Variants in KIRREL1 observed in about 807,000 individuals in gnomAD.
The protein encoded by KIRREL1 is kin of IRRE-like protein 1.
A neutral mutation model predicts 83.3 loss-of-function variants in KIRREL1; 25 were observed. The observed-to-expected ratio is 0.30, with a 90% CI of 0.22 to 0.42. KIRREL1 has a LOEUF of 0.42. Among genes scored for constraint, KIRREL1 ranks in the 10% least tolerant of loss-of-function variants. The pLI is 1.00. For synonymous variants in KIRREL1, 388 were observed against 410.4 expected (o/e 0.95, Z 0.66); for missense variants, 812 against 1,032.3 (o/e 0.79, Z 2.92).
At chr1:158,016,443 C>A (rs1659828261) in intron 1 of KIRREL1, among the ~76,000 whole-genome samples, 1 of 152,072 alleles carries the variant, frequency 6.6e-6, no homozygotes, top group South Asian at 2.1e-4. Context: ...CAAAGGCCAG[C>A]AGTTAAAGGC....
chr1:158,024,242 C>T (rs1031614155), intron 1 of KIRREL1, among the ~76,000 whole-genome samples: 2 of 150,406 alleles, frequency 1.3e-5, no homozygotes, highest in Non-Finnish European at 2.9e-5. Flanking sequence ...AGCCACTGCG[C>T]CCGGCCTGGT....
At chr1:158,067,237 G>A (rs867424778) in intron 1 of KIRREL1, among the ~76,000 whole-genome samples, 13 of 152,298 alleles carry the variant, frequency 8.5e-5, no homozygotes, top group East Asian at 5.8e-4. Flanking sequence ...GCACCACCAT[G>A]AGCCCTAATG....
chr1:158,069,996 C>T (rs779629946), intron 1 of KIRREL1, among the ~76,000 whole-genome samples: 4 of 152,284 alleles, frequency 2.6e-5, no homozygotes, highest in Non-Finnish European at 4.4e-5. Flanking sequence ...TGTTGACAGT[C>T]GTTCCAGCCT....
Position 158,094,705 on chromosome 1 carries a change from T to C in KIRREL1, c.1859T>C (p.Val620Ala). The change falls in exon 15 of 15, where the codon GTG (valine) becomes GCG (alanine). Residue 620 changes from valine (V) to alanine (A), a missense_variant. Physicochemically the swap from Val to Ala is moderately conservative, Grantham distance 64. Coordinates refer to ENST00000359209, the MANE Select transcript of KIRREL1 (RefSeq NM_018240.7). The surrounding 1 kb of genome is among the most constrained non-coding windows in gnomAD (Gnocchi z 4.6). ...GAAGACCGCCCGTCTTCCAGGGCAG[T>C]GCTCTATGCTGACTACCGTGCCCCT... Reference protein sequence around the residue: ...AHEDRPSSRAVLYADYRAPGP... With the variant: ...AHEDRPSSRAALYADYRAPGP... The C allele has an allele frequency of 6.2e-7, 1 of 1,612,350 alleles. No individual in the cohort carries two copies.
At chr1:158,029,372 T>TGTGTGTGTGTGC (rs1190966368) in intron 1 of KIRREL1, among the ~76,000 whole-genome samples, 51 of 149,496 alleles carry the variant, frequency 3.4e-4, no homozygotes, top group Middle Eastern at 3.4e-3. Context: ...TGTGTGCACG[T>TGTGTGTGTGTGC]GCGCGCGCAT....
intron 3 of KIRREL1, among the ~76,000 whole-genome samples, chr1:158,082,980 C>A (rs1661907609): frequency 6.6e-6 from 1 of 152,112 alleles, no homozygotes. Flanking sequence ...TCATCAGTAT[C>A]CATTCATTAA....
At chr1:158,000,063 T>TGGG (rs113375592) in intron 1 of KIRREL1, among the ~76,000 whole-genome samples, 8 of 147,794 alleles carry the variant, frequency 5.4e-5, no homozygotes, top group African/African-American at 2.0e-4. Flanking sequence ...GCAGGAAAGA[T>TGGG]GGGGTGGGGG....
In KIRREL1 at chr1:157,993,746, AC is replaced by A; in HGVS notation, c.52+23del. 7 of 1,467,806 alleles carry A rather than the reference AC, an allele frequency of 4.8e-6. No individual in the cohort carries two copies. The highest frequency in any genetic ancestry group is 4.9e-5 in the Admixed American group (2 of 40,966). The allele number at this position is 1,467,806 out of a possible 1,614,324, so 90.9% of individuals were successfully genotyped here. ...CTCCCAAGGTAAGGGCCCCCAGCCC[AC>A]CCCCGGACGCTCGGCTTCCCCCCGG... On this transcript the variant is annotated intron_variant, in intron 1 of 14. Transcript: ENST00000359209.
chr1:158,094,918 A>ACTC lies in KIRREL1; in HGVS notation c.2074_2076dup (p.Ser692dup). On this transcript the variant is annotated inframe_insertion, in exon 15 of 15. Transcript: ENST00000359209. This position sits in a 1 kb window ranked among gnomAD's most constrained non-coding sequence, Gnocchi z 4.6. ...TCCTACGAGAACTATGAGAAGTTCA[A>ACTC]CTCCCATCCCTTCCCTGGGGCAGCT... 1 of 1,613,260 alleles carries ACTC rather than the reference A, an allele frequency of 6.2e-7. No homozygotes were observed. The highest frequency in any genetic ancestry group is 1.1e-5 in the South Asian group (1 of 91,022).
At chr1:158,000,803 G>A (rs1002196937) in intron 1 of KIRREL1, among the ~76,000 whole-genome samples, 3 of 152,124 alleles carry the variant, frequency 2.0e-5, no homozygotes, top group Non-Finnish European at 4.4e-5. Context: ...GCATCGTATT[G>A]AAATAAATGA....
chr1:158,050,346 T>C (rs1411269859), intron 1 of KIRREL1, among the ~76,000 whole-genome samples: 1 of 152,022 alleles, frequency 6.6e-6, no homozygotes, highest in Non-Finnish European at 1.5e-5. Flanking sequence ...ATGAAATACC[T>C]GAGGCCCAGA....
In KIRREL1 at chr1:158,099,743, G is replaced by T. The variant is rs1049024717; in HGVS notation, c.*4623G>T. 4 of 152,182 alleles carry T rather than the reference G, an allele frequency of 2.6e-5. No individual in the cohort carries two copies. Among genetic ancestry groups the T allele is most frequent in the African/African-American group, 9.7e-5 (4 of 41,416 alleles). The allele number at this position is 152,182 out of a possible 1,614,324, so 9.4% of individuals were successfully genotyped here. ...TTTGCTGGCCCCAACCACTGGCCTT[G>T]TTGAGTATCGATGGGCCCTGAGCTC... On this transcript the variant is annotated 3_prime_UTR_variant, in exon 15 of 15. Transcript: ENST00000359209.
chr1:158,020,815 T>TTCA, intron 1 of KIRREL1, among the ~76,000 whole-genome samples: 1 of 152,310 alleles, frequency 6.6e-6, no homozygotes, highest in Middle Eastern at 3.4e-3. Context: ...CTGCTAAAAA[T>TTCA]TCATTATCAT....
At chr1:158,029,844 ATAAG>A (rs1401478958) in intron 1 of KIRREL1, among the ~76,000 whole-genome samples, 2 of 152,256 alleles carry the variant, frequency 1.3e-5, no homozygotes, top group African/African-American at 2.4e-5. Flanking sequence ...GTGAGATAGT[ATAAG>A]TAAAGCACTC....
chr1:158,094,638 C>T lies in KIRREL1; in HGVS notation c.1798-6C>T, dbSNP rs1433124403. 4 of 1,582,732 alleles carry T rather than the reference C, an allele frequency of 2.5e-6. No homozygotes were observed. The highest frequency in any genetic ancestry group is 1.7e-4 in the Middle Eastern group (1 of 5,944). ...TGCCTCCATCCTCTTCTCTCATTGC[C>T]CCCAGGACCCCACCAATGGCTACTA... On this transcript the variant is annotated splice_polypyrimidine_tract_variant and splice_region_variant and intron_variant, in intron 14 of 14. Transcript: ENST00000359209. The surrounding 1 kb of genome is among the most constrained non-coding windows in gnomAD (Gnocchi z 4.6).
chr1:158,073,259 C>A (rs1007493861), intron 1 of KIRREL1, among the ~76,000 whole-genome samples: 2 of 152,132 alleles, frequency 1.3e-5, no homozygotes, highest in Non-Finnish European at 2.9e-5. Context: ...TTCCATGCCC[C>A]TGTGTCTGGA....
At chr1:157,996,856 C>T (rs916474414) in intron 1 of KIRREL1, among the ~76,000 whole-genome samples, 1 of 152,166 alleles carries the variant, frequency 6.6e-6, no homozygotes, top group South Asian at 2.1e-4. Flanking sequence ...GAACCAAGTA[C>T]TCAGTGCCTC....
chr1:158,024,771 C>G (rs1242627505), intron 1 of KIRREL1, among the ~76,000 whole-genome samples: 2 of 152,176 alleles, frequency 1.3e-5, no homozygotes. Context: ...CTTCCCCGAC[C>G]CAGTTCCCCA....
intron 1 of KIRREL1, among the ~76,000 whole-genome samples, chr1:158,069,240 T>C (rs1004090187): frequency 6.6e-6 from 1 of 151,272 alleles, no homozygotes; most frequent in African/African-American, 2.4e-5. Flanking sequence ...ATGTGCTTGC[T>C]GGTAAATGCA....
Sources: gnomAD v4.1 joint callset for allele counts (sites outside exome capture counted in the v4.1 genomes callset) on GRCh38, gnomAD v4.1.1 for gene constraint, Gnocchi (gnomAD v3.1) non-coding constraint, MANE v1.5 for transcripts, NCBI Gene and HGNC (gene_info 2026-07-23, HGNC 2026-07-21) for gene names.